Variants in MBNL1 observed in about 807,000 individuals in gnomAD.
The protein encoded by MBNL1 is muscleblind like splicing regulator 1.
Under a neutral mutation model 42.2 loss-of-function variants are expected in MBNL1, and 8 were observed. That is an observed-to-expected ratio of 0.19 (90% CI 0.11 to 0.34). The LOEUF (loss-of-function observed/expected upper bound fraction) is 0.34, where lower values mean the gene tolerates loss of function less well. Among genes scored for constraint, MBNL1 ranks in the 10% least tolerant of loss-of-function variants. The pLI, the probability that MBNL1 is intolerant of heterozygous loss-of-function variation, is 1.00. For missense variants in MBNL1, 309 were observed against 495.3 expected, an observed-to-expected ratio of 0.62 and a Z score of 3.57; for synonymous variants, 169 against 173.9, an observed-to-expected ratio of 0.97 and a Z score of 0.22.
intron 2 of MBNL1, among the ~76,000 whole-genome samples, chr3:152,381,301 A>G (rs1224669213): frequency 6.6e-6 from 1 of 152,002 alleles, no homozygotes; most frequent in African/African-American, 2.4e-5. Context: ...ACTTCTGTCT[A>G]TATACTTCAG....
intron 2 of MBNL1, among the ~76,000 whole-genome samples, chr3:152,379,970 C>T (rs1460041844): frequency 6.6e-6 from 1 of 152,036 alleles, no homozygotes; most frequent in Non-Finnish European, 1.5e-5. Flanking sequence ...GAACCTAGAA[C>T]CACAAGACTG....
intron 4 of MBNL1, among the ~76,000 whole-genome samples, chr3:152,433,547 G>A (rs370706074): frequency 1.3e-4 from 19 of 151,848 alleles, no homozygotes; most frequent in Non-Finnish European, 2.5e-4. Context: ...ACAGGAGATC[G>A]AGACCATCCT....
chr3:152,377,133 A>AAAT (rs1220301254), intron 2 of MBNL1, among the ~76,000 whole-genome samples: 5 of 152,182 alleles, frequency 3.3e-5, no homozygotes, highest in Admixed American at 3.3e-4. Context: ...AGAAGCCATT[A>AAAT]ATGATGGTTG....
At chr3:152,337,268 G>C (rs960941031) in intron 2 of MBNL1, among the ~76,000 whole-genome samples, 6 of 152,156 alleles carry the variant, frequency 3.9e-5, no homozygotes, top group Non-Finnish European at 5.9e-5. Flanking sequence ...AGCATAACAT[G>C]AAGCAGAGAT....
At chr3:152,425,894 A>G (rs1402453974) in intron 3 of MBNL1, among the ~76,000 whole-genome samples, 1 of 152,224 alleles carries the variant, frequency 6.6e-6, no homozygotes, top group Non-Finnish European at 1.5e-5. Context: ...AGACACATGC[A>G]CACGTATGTT....
chr3:152,391,874 G>T (rs944896721), intron 2 of MBNL1, among the ~76,000 whole-genome samples: 7 of 152,090 alleles, frequency 4.6e-5, no homozygotes, highest in African/African-American at 1.4e-4. Context: ...CATCTCACAG[G>T]GCTAACAGGG....
rs1748913533 is a variant in MBNL1 at position 152,463,893 on chromosome 3, A to T, written c.*1527A>T. Reference sequence around the variant, plus strand: ...AAAGTTCAGTTATAGAACTTTCCATACTTCCAAGTTTACTGCAAGTTTTTA... The same window carrying T: ...AAAGTTCAGTTATAGAACTTTCCATTCTTCCAAGTTTACTGCAAGTTTTTA... On this transcript the variant is annotated 3_prime_UTR_variant, in exon 10 of 10. Transcript: ENST00000324210. 1 of 152,528 alleles carries T rather than the reference A, an allele frequency of 6.6e-6. No individual in the cohort carries two copies. 9.4% of individuals were successfully genotyped at this position (152,528 alleles called of 1,614,324 possible).
At chr3:152,427,786 T>TA (rs200984979) in intron 3 of MBNL1, among the ~76,000 whole-genome samples, 1 of 150,478 alleles carries the variant, frequency 6.6e-6, no homozygotes, top group Non-Finnish European at 1.5e-5. Flanking sequence ...ATTTAAAAAT[T>TA]AAAAAAATTT....
intron 2 of MBNL1, among the ~76,000 whole-genome samples, chr3:152,303,907 T>G (rs11927851): frequency 0.072 from 10,978 of 152,252 alleles, 512 homozygotes; most frequent in Middle Eastern, 0.17. Flanking sequence ...AAAACTTTAG[T>G]CACTTGTTCC....
At chr3:152,339,737 A>G (rs148449234) in intron 2 of MBNL1, 44 of 152,312 alleles carry the variant, frequency 2.9e-4, no homozygotes, top group African/African-American at 9.9e-4. Flanking sequence ...ATGAAGGAAA[A>G]TGTTTACTCA....
intron 2 of MBNL1, among the ~76,000 whole-genome samples, chr3:152,334,422 C>G (rs2087860517): frequency 1.3e-5 from 2 of 152,114 alleles, no homozygotes; most frequent in South Asian, 4.1e-4. Context: ...CTCTGTTGTC[C>G]AGCCACATTG....
chr3:152,445,921 C>T (rs1456732645), intron 5 of MBNL1, among the ~76,000 whole-genome samples: 1 of 152,206 alleles, frequency 6.6e-6, no homozygotes, highest in Non-Finnish European at 1.5e-5. Flanking sequence ...CACATCAAGG[C>T]TCTTCTTTAC....
At chr3:152,337,954 T>G (rs2091552868) in intron 2 of MBNL1, 3 of 324,998 alleles carry the variant, frequency 9.2e-6, no homozygotes, top group Admixed American at 1.3e-4. Context: ...ATGTTGCCTT[T>G]TAATTTCTGC....
chr3:152,358,223 A>G (rs935006040), intron 2 of MBNL1, among the ~76,000 whole-genome samples: 1 of 152,182 alleles, frequency 6.6e-6, no homozygotes, highest in Non-Finnish European at 1.5e-5. Context: ...TGATTTCTGA[A>G]GTTTTGAAGT....
At chr3:152,362,846 A>G (rs977082673) in intron 2 of MBNL1, among the ~76,000 whole-genome samples, 2 of 152,166 alleles carry the variant, frequency 1.3e-5, no homozygotes, top group Non-Finnish European at 2.9e-5. Context: ...TTAAAAATCT[A>G]TATTGATACA....
chr3:152,377,905 A>G (rs1165244574), intron 2 of MBNL1, among the ~76,000 whole-genome samples: 3 of 152,174 alleles, frequency 2.0e-5, no homozygotes, highest in Non-Finnish European at 4.4e-5. Context: ...AACAAAACCA[A>G]TTGTTTTTCT....
chr3:152,418,713 T>A (rs1402742056), intron 3 of MBNL1, among the ~76,000 whole-genome samples: 2 of 140,220 alleles, frequency 1.4e-5, no homozygotes, highest in African/African-American at 5.6e-5. Context: ...GTCTTAACAA[T>A]CTTTTTTTTT....
At chr3:152,443,961 T>C (rs1425756448) in intron 4 of MBNL1, among the ~76,000 whole-genome samples, 2 of 152,110 alleles carry the variant, frequency 1.3e-5, no homozygotes, top group East Asian at 3.8e-4. Flanking sequence ...AGAAACACTT[T>C]CCTCAATAAT....
chr3:152,275,781 T>A (rs1044097526), intron 1 of MBNL1, among the ~76,000 whole-genome samples: 1 of 150,734 alleles, frequency 6.6e-6, no homozygotes, highest in Non-Finnish European at 1.5e-5. Context: ...CGGACCTCAT[T>A]AGAGGATACA....
Sources: allele counts gnomAD v4.1 joint callset (sites outside exome capture counted in the v4.1 genomes callset), GRCh38; gene constraint gnomAD v4.1.1; transcripts MANE v1.5; gene names NCBI Gene and HGNC (gene_info 2026-07-23, HGNC 2026-07-21).